The following MMP20 variants were observed in gnomAD, a reference collection of about 807,000 sequenced individuals.
MMP20 encodes the protein matrix metalloproteinase-20.
In MMP20, 50 loss-of-function variants were observed where a neutral mutation model predicts 51.8. The observed-to-expected ratio is 0.97, with a 90% CI of 0.77 to 1.22. The LOEUF (loss-of-function observed/expected upper bound fraction) is 1.22. Among genes scored for constraint, MMP20 ranks in the 50% most tolerant of loss-of-function variants. The probability of loss-of-function intolerance (pLI) is 0.00; values close to 1 mark genes in which losing one functional copy is unlikely to be tolerated. For synonymous variants in MMP20, 244 were observed against 216.2 expected (o/e 1.13, Z -1.13); for missense variants, 663 against 601.4 (o/e 1.10, Z -1.07).
chr11:102,622,461 G>T (rs1859763240), intron 1 of MMP20, among the ~76,000 whole-genome samples: 1 of 152,122 alleles, frequency 6.6e-6, no homozygotes, highest in South Asian at 2.1e-4. Flanking sequence ...TCCTCCGTCT[G>T]GACTGCCCCA....
chr11:102,603,235 G>T (rs1297506321), intron 6 of MMP20, among the ~76,000 whole-genome samples: 1 of 152,224 alleles, frequency 6.6e-6, no homozygotes, highest in African/African-American at 2.4e-5. Context: ...GGAGAGAAGA[G>T]ACTGGGAGCG....
At chr11:102,622,448 G>A (rs1178455497) in intron 1 of MMP20, among the ~76,000 whole-genome samples, 1 of 152,150 alleles carries the variant, frequency 6.6e-6, no homozygotes, top group Non-Finnish European at 1.5e-5. Flanking sequence ...AGCAGCTGCT[G>A]TTTCCTCCGT....
chr11:102,620,972 G>T (rs140958557), intron 1 of MMP20, among the ~76,000 whole-genome samples: 3,506 of 152,240 alleles, frequency 0.023, 53 homozygotes, highest in Middle Eastern at 0.037. Context: ...CACACTGTCC[G>T]CCCTGTTTCG....
chr11:102,612,586 G>C (rs1442208330), intron 2 of MMP20, among the ~76,000 whole-genome samples: 2 of 152,052 alleles, frequency 1.3e-5, no homozygotes, highest in African/African-American at 4.8e-5. Flanking sequence ...AAAGGGACTG[G>C]ATGTTTTCAA....
intron 1 of MMP20, among the ~76,000 whole-genome samples, chr11:102,622,708 C>T (rs1859766059): frequency 6.6e-6 from 1 of 152,176 alleles, no homozygotes; most frequent in Admixed American, 6.5e-5. Flanking sequence ...CACCTTCCCA[C>T]CAGCTCCCTC....
intron 6 of MMP20, among the ~76,000 whole-genome samples, chr11:102,595,833 T>G (rs1859374634): frequency 6.6e-6 from 1 of 152,246 alleles, no homozygotes; most frequent in African/African-American, 2.4e-5. Context: ...AAATCATTTT[T>G]TATAAAACAC....
chr11:102,604,614 T>C (rs1859491149), intron 6 of MMP20, among the ~76,000 whole-genome samples: 1 of 152,138 alleles, frequency 6.6e-6, no homozygotes, highest in African/African-American at 2.4e-5. Context: ...AAAGCCTGGG[T>C]TCCTGGGCTC....
At chr11:102,593,678 T>A in intron 7 of MMP20, 83 bp from the exon 8 acceptor site, 1 of 1,454,114 alleles carries the variant, frequency 6.9e-7, no homozygotes, top group Non-Finnish European at 9.6e-7. Flanking sequence ...TGAAGGCTCT[T>A]AAATGGGGTT....
chr11:102,590,580 T>A (rs1042298119), intron 8 of MMP20, among the ~76,000 whole-genome samples: 1 of 152,198 alleles, frequency 6.6e-6, no homozygotes, highest in Non-Finnish European at 1.5e-5. Flanking sequence ...TTGCAGAATT[T>A]CCAGAGACTT....
In MMP20 at chr11:102,606,751, G is replaced by A. The variant is rs1859523319; in HGVS notation, c.812-75C>T. On this transcript the variant is annotated intron_variant, in intron 5 of 9. Coordinates refer to ENST00000260228, the MANE Select transcript of MMP20 (RefSeq NM_004771.4). ...ACACACTTCTGCTCTAGAGCCCCAG[G>A]GGAGGTTGTACACTTTCACGCTGGA... 8 of 1,560,558 alleles carry A rather than the reference G, an allele frequency of 5.1e-6. 1 individual carries two copies. The highest frequency in any genetic ancestry group is 7.1e-6 in the Non-Finnish European group (8 of 1,132,298).
intron 3 of MMP20, 91 bp downstream of exon 3, chr11:102,611,664 G>A: frequency 6.7e-7 from 1 of 1,484,022 alleles, no homozygotes; most frequent in Non-Finnish European, 9.3e-7. Flanking sequence ...CGAAGGAGGA[G>A]TGTGTGATCA....
At chr11:102,594,990 C>T (rs941314884) in intron 6 of MMP20, among the ~76,000 whole-genome samples, 16 of 151,382 alleles carry the variant, frequency 1.1e-4, no homozygotes, top group Middle Eastern at 3.4e-3. Flanking sequence ...ACTGCAACCT[C>T]GGCTCACTGC....
At chr11:102,612,926 G>A (rs1159769217) in intron 2 of MMP20, among the ~76,000 whole-genome samples, 2 of 151,804 alleles carry the variant, frequency 1.3e-5, no homozygotes, top group Non-Finnish European at 2.9e-5. Context: ...TGGTGGAGAC[G>A]GGGTTTCACC....
intron 8 of MMP20, among the ~76,000 whole-genome samples, chr11:102,580,384 C>T (rs1859178733): frequency 6.6e-6 from 1 of 151,472 alleles, no homozygotes; most frequent in South Asian, 2.1e-4. Flanking sequence ...ACAATTTCTC[C>T]CAGTGCCTGG....
At chr11:102,581,897 A>T (rs1001131199) in intron 8 of MMP20, among the ~76,000 whole-genome samples, 1 of 152,212 alleles carries the variant, frequency 6.6e-6, no homozygotes, top group African/African-American at 2.4e-5. Flanking sequence ...TTGAGAATCA[A>T]CTATATCTTG....
Position 102,606,549 on chromosome 11 carries a change from C to G in MMP20, c.939G>C (p.Leu313=). ...DAVTMLGKEL[L]LFKDRIFWRR... Reference sequence around the variant, plus strand: ...CTGAGGCTTACCGGTCCTTGAAGAGCAGGAGCTCCTTCCCCAGCATTGTCA... The same window carrying G: ...CTGAGGCTTACCGGTCCTTGAAGAGGAGGAGCTCCTTCCCCAGCATTGTCA... Residue 313 remains leucine (L), a synonymous_variant, in exon 6 of 10, where the codon CTG becomes CTC. Coordinates refer to ENST00000260228, the MANE Select transcript of MMP20 (RefSeq NM_004771.4). 6.2e-7 allele frequency: 1 copy of G among 1,613,902 alleles called. No individual in the cohort carries two copies. The highest frequency in any genetic ancestry group is 8.5e-7 in the Non-Finnish European group (1 of 1,179,846).
chr11:102,578,667 C>T (rs1297229367), intron 9 of MMP20, among the ~76,000 whole-genome samples: 7 of 152,010 alleles, frequency 4.6e-5, no homozygotes, highest in Non-Finnish European at 1.0e-4. Flanking sequence ...ATCTGGGAGG[C>T]AGAAGTTGCA....
chr11:102,580,850 G>A (rs944031497), intron 8 of MMP20, among the ~76,000 whole-genome samples: 3 of 152,250 alleles, frequency 2.0e-5, no homozygotes, highest in African/African-American at 4.8e-5. Flanking sequence ...GATGGTTCTC[G>A]CCAATAATCT....
chr11:102,619,056 G>A (rs986712750), intron 1 of MMP20, among the ~76,000 whole-genome samples: 1 of 152,080 alleles, frequency 6.6e-6, no homozygotes, highest in African/African-American at 2.4e-5. Flanking sequence ...TAGCCTAGGT[G>A]TTCTGAAACA....
Sources: gnomAD v4.1 joint callset for allele counts (sites outside exome capture counted in the v4.1 genomes callset) on GRCh38, gnomAD v4.1.1 for gene constraint, MANE v1.5 for transcripts, NCBI Gene and HGNC (gene_info 2026-07-23, HGNC 2026-07-21) for gene names.